Variants in HCN4 observed in about 807,000 individuals in gnomAD.
HCN4 encodes the protein hyperpolarization activated cyclic nucleotide gated potassium channel 4.
Under a neutral mutation model 76.9 loss-of-function variants are expected in HCN4, and 29 were observed. That is an observed-to-expected ratio of 0.38 (90% CI 0.28 to 0.51). The LOEUF is 0.51. Ranked by LOEUF, HCN4 falls within the 20% of genes least tolerant of loss-of-function variation. The pLI is 0.90. For synonymous variants in HCN4, 772 were observed against 762.5 expected (o/e 1.01, Z -0.21); for missense variants, 1,416 against 1,715.2 (o/e 0.83, Z 3.08).
rs1351620598 is a variant in HCN4 at position 73,340,425 on chromosome 15, G to A, written c.1209+2960C>T. On this transcript the variant is annotated intron_variant, in intron 2 of 7. Transcript: ENST00000261917. The stretch of plus-strand genomic sequence containing the variant: ...TCTAGCTGTGGGTCCAAGACATGCA[G>A]AAGGTTGGGGGTTTCTCAGGGTCTG... 2.6e-5 allele frequency among the ~76,000 whole-genome samples: 4 copies of A among 152,206 alleles called. No individual in the cohort carries two copies. In the East Asian group the frequency reaches 7.7e-4, roughly 29 times the overall value.
In HCN4 at chr15:73,325,465, C is replaced by G. The variant is rs189590898; in HGVS notation, c.1591-21G>C. 1 of 1,613,390 alleles carries G rather than the reference C, an allele frequency of 6.2e-7. No individual in the cohort carries two copies. Among genetic ancestry groups the G allele is most frequent in the Non-Finnish European group, 8.5e-7 (1 of 1,179,700 alleles). Reference sequence around the variant, plus strand: ...TTGTACTGAGGCCGGGAGAAGGGGGCGTCAGCTCCACCCCACCAGGGGGCG... The same window carrying G: ...TTGTACTGAGGCCGGGAGAAGGGGGGGTCAGCTCCACCCCACCAGGGGGCG... On this transcript the variant is annotated intron_variant, in intron 4 of 7. Coordinates refer to ENST00000261917, the MANE Select transcript of HCN4 (RefSeq NM_005477.3). This position sits in a 1 kb window ranked among gnomAD's most constrained non-coding sequence, Gnocchi z 7.4.
In HCN4 at chr15:73,323,895, ACGCCGGAGTTGAGGT is replaced by A; in HGVS notation, c.2183_2197del (p.Asp728_Gly732del). ...GATCTCATTCTCCTGGTAGTTGAAG[ACGCCGGAGTTGAGGT>A]CGTGCTGGACTTTGTGGAGGAGGAT... On this transcript the variant is annotated inframe_deletion, in exon 8 of 8. Coordinates refer to ENST00000261917, the MANE Select transcript of HCN4 (RefSeq NM_005477.3). 6.2e-7 allele frequency: 1 copy of A among 1,603,832 alleles called. No individual in the cohort carries two copies. The highest frequency in any genetic ancestry group is 1.1e-5 in the South Asian group (1 of 91,084).
At position 73,323,846 on chromosome 15, in the gene HCN4, G is replaced by A. The variant is rs761996837; in HGVS notation, c.2247C>T (p.Asp749=). The A allele has an allele frequency of 4.9e-5, 79 of 1,605,136 alleles. No homozygotes were observed. The South Asian group carries it at 8.6e-4, about 17-fold the overall frequency. The change falls in exon 8 of 8, where the codon GAC becomes GAT. Residue 749 remains aspartate (D), a synonymous_variant. Transcript: ENST00000261917. ...GGTGCGCGCAGTGGGCCATCTCCCGGTCATGCTGCACAATCTGCTGGATGA... is the reference window on the plus strand; with the variant it reads ...GGTGCGCGCAGTGGGCCATCTCCCGATCATGCTGCACAATCTGCTGGATGA... ...NEIIQQIVQH[D]REMAHCAHRV...
rs201375192 is a variant in HCN4 at position 73,367,687 on chromosome 15, G to A, written c.584C>T (p.Ala195Val). 168 of 1,601,942 alleles carry A rather than the reference G, an allele frequency of 1.0e-4. 2 individuals are homozygous for A. In the East Asian group the frequency reaches 2.9e-3, roughly 28 times the overall value. ...CTCCGGGAGGATCTGGTCGCCGGCA[G>A]CCGCGCCTCCCTCCACTTTGATAGC... is the stretch of plus-strand genomic sequence containing the variant. The part of the protein sequence containing the change: ...DTAIKVEGGA[A>V]AGDQILPEAE... The change falls in exon 1 of 8, where the codon GCT (alanine) becomes GTT (valine). Residue 195 changes from alanine (A) to valine (V), a missense_variant. Transcript: ENST00000261917. The surrounding 1 kb of genome is among the most constrained non-coding windows in gnomAD (Gnocchi z 7.5).
intron 3 of HCN4, among the ~76,000 whole-genome samples, chr15:73,330,099 C>A (rs1024730262): frequency 5.3e-5 from 8 of 152,124 alleles, no homozygotes; most frequent in African/African-American, 1.9e-4. Context: ...GTAGCAAAGG[C>A]CCCGGGCTGA....
chr15:73,368,022 G>T lies in HCN4; in HGVS notation c.249C>A (p.Gly83=), dbSNP rs1183278712. 3.5e-6 allele frequency: 5 copies of T among 1,420,040 alleles called. No homozygotes were observed. In the Admixed American group the frequency reaches 9.1e-5, roughly 26 times the overall value. 88.0% of individuals were successfully genotyped at this position (1,420,040 alleles called of 1,614,324 possible). ...GAADSEGPAR[G]AGKSSTNGDC... is the part of the protein sequence containing the mutation. The stretch of plus-strand genomic sequence containing the variant: ...CGCCGTTCGTGCTGGACTTGCCCGC[G>T]CCGCGGGCCGGCCCTTCGCTGTCCG... The change falls in exon 1 of 8, where the codon GGC becomes GGA. Residue 83 remains glycine (G), a synonymous_variant. Transcript: ENST00000261917. The surrounding 1 kb of genome is among the most constrained non-coding windows in gnomAD (Gnocchi z 6.9).
intron 1 of HCN4, among the ~76,000 whole-genome samples, chr15:73,356,381 T>C (rs915038826): frequency 1.4e-5 from 2 of 145,158 alleles, no homozygotes; most frequent in Non-Finnish European, 3.0e-5. Context: ...TTTCTTTTTT[T>C]TTTTTTTTTT....
chr15:73,367,770 C>CGGCGGCGGCGAGGCTGCG lies in HCN4; in HGVS notation c.483_500dup (p.Ala162_Pro167dup), dbSNP rs957058060. 1.8e-5 allele frequency: 27 copies of CGGCGGCGGCGAGGCTGCG among 1,494,238 alleles called. No individual in the cohort carries two copies. The highest frequency in any genetic ancestry group is 2.3e-4 in the Middle Eastern group (1 of 4,280). 92.6% of individuals were successfully genotyped at this position (1,494,238 alleles called of 1,614,324 possible). A position where few individuals can be genotyped will look rare whatever the true frequency, so the allele number is the denominator to read the frequency against. ...AGGCCGGCTGCGGTGGCTGCTGGGGCGGCGGCGGCGAGGCTGCGGGCTGCG... is the reference window on the plus strand; with the variant it reads ...AGGCCGGCTGCGGTGGCTGCTGGGGCGGCGGCGGCGAGGCTGCGGGCGGCGGCGAGGCTGCGGGCTGCG... On this transcript the variant is annotated inframe_insertion, in exon 1 of 8. Coordinates refer to ENST00000261917, the MANE Select transcript of HCN4 (RefSeq NM_005477.3). The surrounding 1 kb of genome is among the most constrained non-coding windows in gnomAD (Gnocchi z 7.5).
rs1237064546 is a variant in HCN4 at position 73,325,395 on chromosome 15, G to A, written c.1640C>T (p.Thr547Ile). 1.2e-6 allele frequency: 2 copies of A among 1,614,158 alleles called. No individual in the cohort carries two copies. Among genetic ancestry groups the A allele is most frequent in the Non-Finnish European group, 1.7e-6 (2 of 1,179,988 alleles). ...GTAGTAGTCGTGGATGCGCTGCCGGGTGTCGGGCGGGAGCTTGTGAAAGGA... is the reference window on the plus strand; with the variant it reads ...GTAGTAGTCGTGGATGCGCTGCCGGATGTCGGGCGGGAGCTTGTGAAAGGA... The part of the protein sequence containing the change: ...YMSFHKLPPD[T>I]RQRIHDYYEH... The change falls in exon 5 of 8, where the codon ACC (threonine) becomes ATC (isoleucine). Residue 547 changes from threonine (T) to isoleucine (I), a missense_variant. Physicochemically the swap from Thr to Ile is moderately conservative, Grantham distance 89 (BLOSUM62 -1). Around this residue, in one of 6 missense-constraint regions of HCN4, gnomAD observed 241 missense variants for 379.4 expected, o/e 0.64. Transcript: ENST00000261917. The surrounding 1 kb of genome is among the most constrained non-coding windows in gnomAD (Gnocchi z 7.4).
rs575752269 is a variant in HCN4 at position 73,329,514 on chromosome 15, G to A, written c.1590+59C>T. ...GTTCCTGCTGGGGGCCCACTGGCTG[G>A]TGGCCTGTGCTCCCTCTTGGGAGGG... On this transcript the variant is annotated intron_variant, in intron 4 of 7. Coordinates refer to ENST00000261917, the MANE Select transcript of HCN4 (RefSeq NM_005477.3). The A allele has an allele frequency of 2.5e-4, 382 of 1,541,498 alleles. 2 individuals carry two copies. Among genetic ancestry groups the A allele is most frequent in the South Asian group, 8.7e-4 (78 of 89,286 alleles).
At chr15:73,356,481 G>A (rs2043081541) in intron 1 of HCN4, among the ~76,000 whole-genome samples, 1 of 148,416 alleles carries the variant, frequency 6.7e-6, no homozygotes, top group South Asian at 2.1e-4. Context: ...CAAAAATGCT[G>A]GGATTACAGG....
chr15:73,342,113 C>T (rs1449741318), intron 2 of HCN4, among the ~76,000 whole-genome samples: 1 of 152,220 alleles, frequency 6.6e-6, no homozygotes, highest in Non-Finnish European at 1.5e-5. Context: ...GGCCTGCCTG[C>T]CGCTGCTGCC....
Position 73,332,167 on chromosome 15 carries a change from G to C in HCN4, c.1335C>G (p.Phe445Leu). ...LQFLVPMLQD[F>L]PDDCWVSINN... ...TGATGGACACCCAGCAGTCGTCAGGGAAGTCCTGTAGCATGGGTACCAGGA... is the reference window on the plus strand; with the variant it reads ...TGATGGACACCCAGCAGTCGTCAGGCAAGTCCTGTAGCATGGGTACCAGGA... Residue 445 changes from phenylalanine to leucine, a missense_variant, in exon 3 of 8, where the codon TTC becomes TTG. Coordinates refer to ENST00000261917, the MANE Select transcript of HCN4 (RefSeq NM_005477.3). 6.2e-7 allele frequency: 1 copy of C among 1,614,206 alleles called. No individual in the cohort carries two copies. Among genetic ancestry groups the C allele is most frequent in the Non-Finnish European group, 8.5e-7 (1 of 1,180,028 alleles).
Position 73,368,460 on chromosome 15 carries a change from C to A in HCN4, c.-190G>T. The A allele has an allele frequency of 2.7e-6, 1 of 374,274 alleles. No homozygotes were observed. Among genetic ancestry groups the A allele is most frequent in the South Asian group, 1.2e-4 (1 of 8,020 alleles). The allele number at this position is 374,274 out of a possible 1,614,324, so 23.2% of individuals were successfully genotyped here. A position where few individuals can be genotyped will look rare whatever the true frequency, so the allele number is the denominator to read the frequency against. On this transcript the variant is annotated 5_prime_UTR_variant, in exon 1 of 8. Coordinates refer to ENST00000261917, the MANE Select transcript of HCN4 (RefSeq NM_005477.3). This position sits in a 1 kb window ranked among gnomAD's most constrained non-coding sequence, Gnocchi z 6.9. ...AGGATCCTAGTCCCGCTCCGAGTCCCCGGGCTCGCCGCGCTACACCTCCTC... is the reference window on the plus strand; with the variant it reads ...AGGATCCTAGTCCCGCTCCGAGTCCACGGGCTCGCCGCGCTACACCTCCTC...
chr15:73,323,977 C>T, intron 7 of HCN4, 28 bp from the exon 8 acceptor site: 1 of 1,608,876 alleles, frequency 6.2e-7, no homozygotes, highest in Non-Finnish European at 8.5e-7. Context: ...AACAGGCACT[C>T]AGGGCAGAGC....
intron 1 of HCN4, among the ~76,000 whole-genome samples, chr15:73,345,767 A>C (rs752701164): frequency 5.3e-4 from 80 of 152,034 alleles, no homozygotes; most frequent in Non-Finnish European, 1.1e-3. Flanking sequence ...AAAGAAAACA[A>C]ATTTTTTAAC....
chr15:73,337,929 G>A (rs1165546140), intron 2 of HCN4, among the ~76,000 whole-genome samples: 1 of 152,232 alleles, frequency 6.6e-6, no homozygotes, highest in Non-Finnish European at 1.5e-5. Context: ...AGGACTGTGG[G>A]CACTGGGGTG....
intron 3 of HCN4, among the ~76,000 whole-genome samples, 188 bp downstream of exon 3, chr15:73,331,943 G>C (rs1247955708): frequency 6.6e-6 from 1 of 152,214 alleles, no homozygotes; most frequent in Non-Finnish European, 1.5e-5. Context: ...CCAGAGCTGT[G>C]AATGGATCCC....
rs2042977365 is a variant in HCN4 at position 73,338,082 on chromosome 15, AT to A, written c.1209+5302del. On this transcript the variant is annotated intron_variant, in intron 2 of 7. Transcript: ENST00000261917. ...CCATTCAGGTTAGGGGGTGCCCTAG[AT>A]TTGAGGACACTCACCTCACCTGCAC... is the stretch of plus-strand genomic sequence containing the variant. 2.0e-5 allele frequency among the ~76,000 whole-genome samples: 3 copies of A among 152,244 alleles called. No individual in the cohort carries two copies. The South Asian group carries it at 6.2e-4, about 32-fold the overall frequency.
Sources: gnomAD v4.1 joint callset for allele counts (sites outside exome capture counted in the v4.1 genomes callset) on GRCh38, gnomAD v4.1.1 for gene constraint, gnomAD v4.1.1 regional missense constraint, Gnocchi (gnomAD v3.1) non-coding constraint, MANE v1.5 for transcripts, NCBI Gene and HGNC (gene_info 2026-07-23, HGNC 2026-07-21) for gene names.